CAST: variants seen among roughly 807,000 people sequenced by gnomAD.
CAST encodes the protein calpastatin.
In CAST, 76 loss-of-function variants were observed where a neutral mutation model predicts 119.6. That is an observed-to-expected ratio of 0.64 (90% CI 0.53 to 0.77). The LOEUF is 0.77. Among genes scored for constraint, CAST ranks in the 30% least tolerant of loss-of-function variants. The pLI, the probability that CAST is intolerant of heterozygous loss-of-function variation, is 0.00. For synonymous variants in CAST, 319 were observed against 331.6 expected, an observed-to-expected ratio of 0.96 and a Z score of 0.41; for missense variants, 953 against 946.5, an observed-to-expected ratio of 1.01 and a Z score of -0.09.
At chr5:96,766,680 A>G (rs1364453681) in intron 27 of CAST, among the ~76,000 whole-genome samples, 1 of 152,198 alleles carries the variant, frequency 6.6e-6, no homozygotes, top group Non-Finnish European at 1.5e-5. Context: ...TGTCTCCCAC[A>G]TGATAGAGGC....
the CAST span, among the ~76,000 whole-genome samples, chr5:96,068,728 T>A: frequency 6.6e-6 from 1 of 151,552 alleles, no homozygotes; most frequent in East Asian, 1.9e-4. Flanking sequence ...TATATACATA[T>A]GCATAGTAAA....
At chr5:96,295,105 G>C in the CAST span, among the ~76,000 whole-genome samples, 1 of 152,174 alleles carries the variant, frequency 6.6e-6, no homozygotes, top group Non-Finnish European at 1.5e-5. Context: ...AAACAAACTA[G>C]TAGAAATTCT....
chr5:96,040,139 G>C, the CAST span, among the ~76,000 whole-genome samples: 1 of 152,176 alleles, frequency 6.6e-6, no homozygotes, highest in African/African-American at 2.4e-5. Flanking sequence ...TAGCAATTGT[G>C]AATAGGAGTT....
At chr5:96,298,884 G>GTGTGTGTGTGTGTA in the CAST span, among the ~76,000 whole-genome samples, 1 of 151,800 alleles carries the variant, frequency 6.6e-6, no homozygotes, top group African/African-American at 2.4e-5. Context: ...AGGAGAGTGT[G>GTGTGTGTGTGTGTA]TGTGTGTGTG....
At chr5:96,148,072 CTG>C in the CAST span, among the ~76,000 whole-genome samples, 3 of 152,138 alleles carry the variant, frequency 2.0e-5, no homozygotes, top group African/African-American at 7.2e-5. Context: ...AAAATTGACA[CTG>C]TGAGAGGGAC....
chr5:96,118,106 A>C, the CAST span, among the ~76,000 whole-genome samples: 1 of 152,206 alleles, frequency 6.6e-6, no homozygotes, highest in Admixed American at 6.5e-5. Context: ...AAATGTTTAC[A>C]TGAGTTGAAT....
the CAST span, among the ~76,000 whole-genome samples, chr5:96,449,163 A>G: frequency 6.6e-6 from 1 of 152,124 alleles, no homozygotes; most frequent in Non-Finnish European, 1.5e-5. Flanking sequence ...CTTAACCACC[A>G]ATGCAGTCTT....
intron 1 of CAST, among the ~76,000 whole-genome samples, chr5:96,591,528 A>G (rs1746962091): frequency 6.6e-6 from 1 of 152,210 alleles, no homozygotes; most frequent in African/African-American, 2.4e-5. Context: ...ACAGGACAAT[A>G]AAGGAGGCAA....
the CAST span, among the ~76,000 whole-genome samples, chr5:96,466,264 A>T: frequency 5.3e-5 from 8 of 152,152 alleles, no homozygotes; most frequent in East Asian, 1.5e-3. Context: ...CTGGGATTAT[A>T]TTGTTGATTA....
intron 26 of CAST, 84 bp downstream of exon 26, chr5:96,765,409 A>G: frequency 1.4e-6 from 1 of 693,524 alleles, no homozygotes; most frequent in African/African-American, 1.8e-5. Flanking sequence ...TGTCATAGGA[A>G]TATTGATGTG....
the CAST span, among the ~76,000 whole-genome samples, chr5:96,051,013 G>A: frequency 0.028 from 4,305 of 152,214 alleles, 102 homozygotes; most frequent in Admixed American, 0.075. Context: ...TATTTACACA[G>A]GTATTACAAA....
intron 1 of CAST, among the ~76,000 whole-genome samples, chr5:96,561,797 T>TTTTTGTTTTTG (rs1746372581): frequency 1.3e-5 from 1 of 76,668 alleles, no homozygotes; most frequent in African/African-American, 4.7e-5. Context: ...TTTTTTTTTG[T>TTTTTGTTTTTG]TTTTTTTTTT....
At chr5:96,607,303 A>G (rs1747278236) in intron 1 of CAST, among the ~76,000 whole-genome samples, 1 of 152,180 alleles carries the variant, frequency 6.6e-6, no homozygotes, top group Non-Finnish European at 1.5e-5. Context: ...ACAAAAAAAC[A>G]GAACCACTGT....
chr5:96,670,743 A>G (rs1749961210), intron 1 of CAST, among the ~76,000 whole-genome samples: 1 of 152,092 alleles, frequency 6.6e-6, no homozygotes, highest in Admixed American at 6.6e-5. Context: ...TGATCTGCCC[A>G]CCTCGGCCTC....
At chr5:96,665,706 G>A (rs1008979043) in intron 1 of CAST, among the ~76,000 whole-genome samples, 1 of 151,538 alleles carries the variant, frequency 6.6e-6, no homozygotes, top group African/African-American at 2.4e-5. Context: ...TCCCCCAAAG[G>A]TCCATGGAGC....
the CAST span, among the ~76,000 whole-genome samples, chr5:96,438,730 T>C: frequency 6.6e-6 from 1 of 152,200 alleles, no homozygotes; most frequent in Admixed American, 6.5e-5. Context: ...GATGGTATCA[T>C]ATCAACCAGA....
chr5:96,479,128 C>T, the CAST span, among the ~76,000 whole-genome samples: 1 of 152,176 alleles, frequency 6.6e-6, no homozygotes, highest in Non-Finnish European at 1.5e-5. Context: ...GAATAGAGGG[C>T]ATTTGGAAGC....
the CAST span, among the ~76,000 whole-genome samples, chr5:96,480,074 A>C: frequency 6.6e-6 from 1 of 152,220 alleles, no homozygotes; most frequent in Non-Finnish European, 1.5e-5. Context: ...TTTGCATTTA[A>C]TCCTAAGAGC....
chr5:96,695,251 G>A (rs752286650), intron 2 of CAST, among the ~76,000 whole-genome samples: 16 of 152,078 alleles, frequency 1.1e-4, no homozygotes, highest in South Asian at 2.1e-4. Flanking sequence ...TTAGAATAAC[G>A]TTCTGAGAGG....
Sources: gnomAD v4.1 joint callset for allele counts (sites outside exome capture counted in the v4.1 genomes callset) on GRCh38, gnomAD v4.1.1 for gene constraint, MANE v1.5 for transcripts, NCBI Gene and HGNC (gene_info 2026-07-23, HGNC 2026-07-21) for gene names.